ACBD6: variants seen among roughly 807,000 people sequenced by gnomAD.
ACBD6 encodes the protein acyl-CoA-binding domain-containing protein 6.
ACBD6 carries 28 observed loss-of-function variants against 37.2 expected under a neutral mutation model. The ratio of observed to expected loss-of-function variants is 0.75; its 90% CI spans 0.56 to 1.03. The LOEUF (loss-of-function observed/expected upper bound fraction) is 1.03. Ranked by LOEUF, ACBD6 falls within the 50% of genes least tolerant of loss-of-function variation. The pLI is 0.00. For missense variants in ACBD6, 340 were observed against 337.4 expected (o/e 1.01, Z -0.06); for synonymous variants, 113 against 126.8 (o/e 0.89, Z 0.73).
rs768087988 is a variant in ACBD6 at position 180,274,169 on chromosome 1, GT to G, written c.*937-58del. 1.7e-5 allele frequency: 28 copies of G among 1,614,148 alleles called. No homozygotes were observed. The East Asian group carries it at 6.0e-4, about 35-fold the overall frequency. The stretch of plus-strand genomic sequence containing the variant: ...TCCTGGCAGCTGACAATAAATCTCC[GT>G]TCTTTTGTCCACAGAGGATCAAATT... On this transcript the variant is annotated intron_variant, in intron 10 of 13. Transcript: ENST00000642319.
chr1:180,294,073 G>A (rs1343047264), intron 7 of ACBD6, among the ~76,000 whole-genome samples: 4 of 151,632 alleles, frequency 2.6e-5, no homozygotes, highest in Non-Finnish European at 5.9e-5. Flanking sequence ...TTTTGTGTAT[G>A]TAGTAGAGAC....
At chr1:180,329,255 A>T (rs1651378702) in intron 6 of ACBD6, among the ~76,000 whole-genome samples, 1 of 152,228 alleles carries the variant, frequency 6.6e-6, no homozygotes, top group Non-Finnish European at 1.5e-5. Flanking sequence ...ACAGTGCACT[A>T]AGGTATATAA....
At chr1:180,500,334 T>TA (rs745608788) in intron 1 of ACBD6, among the ~76,000 whole-genome samples, 1 of 152,128 alleles carries the variant, frequency 6.6e-6, no homozygotes, top group Non-Finnish European at 1.5e-5. Context: ...AACTGTTATT[T>TA]AACTCTTGTC....
rs147308683 is a variant in ACBD6, at chr1:180,402,294, T to C, written c.574-4689A>G. 5.4e-3 allele frequency among the ~76,000 whole-genome samples: 819 copies of C among 152,270 alleles called. 11 individuals carry two copies. Among genetic ancestry groups the C allele is most frequent in the Middle Eastern group, 0.027 (8 of 294 alleles). ...TTATTTCAAGCACTTAGGAATAAGATTGAAAGATAGTCTAACATCTCAAGA... is the reference window on the plus strand; with the variant it reads ...TTATTTCAAGCACTTAGGAATAAGACTGAAAGATAGTCTAACATCTCAAGA... On this transcript the variant is annotated intron_variant, in intron 5 of 7. Coordinates refer to ENST00000367595, the MANE Select transcript of ACBD6 (RefSeq NM_032360.4).
intron 3 of ACBD6, among the ~76,000 whole-genome samples, chr1:180,448,671 C>T (rs546316935): frequency 6.6e-6 from 1 of 152,114 alleles, no homozygotes; most frequent in Admixed American, 6.6e-5. Flanking sequence ...TTGTACTCAG[C>T]CATGAATTGA....
At chr1:180,336,885 C>A (rs916927020) in intron 6 of ACBD6, among the ~76,000 whole-genome samples, 1 of 152,164 alleles carries the variant, frequency 6.6e-6, no homozygotes, top group African/African-American at 2.4e-5. Flanking sequence ...CACCTCTATG[C>A]AAATAAACTA....
At chr1:180,494,922 G>A (rs1651672302) in intron 2 of ACBD6, among the ~76,000 whole-genome samples, 1 of 152,316 alleles carries the variant, frequency 6.6e-6, no homozygotes. Flanking sequence ...AAAAAGAGAA[G>A]TTAGTATCTG....
chr1:180,388,207 A>G (rs902091106), intron 6 of ACBD6, among the ~76,000 whole-genome samples: 1 of 151,182 alleles, frequency 6.6e-6, no homozygotes, highest in Non-Finnish European at 1.5e-5. Flanking sequence ...AAGAAAACCC[A>G]GAGAAATCAC....
intron 7 of ACBD6, among the ~76,000 whole-genome samples, chr1:180,303,685 G>A (rs1650231080): frequency 6.6e-6 from 1 of 150,712 alleles, no homozygotes; most frequent in Non-Finnish European, 1.5e-5. Flanking sequence ...GTACAAGGAG[G>A]AGCTGGTACC....
intron 7 of ACBD6, among the ~76,000 whole-genome samples, chr1:180,295,970 A>C (rs1348105934): frequency 6.6e-6 from 1 of 152,224 alleles, no homozygotes; most frequent in African/African-American, 2.4e-5. Flanking sequence ...CTTAGTAATG[A>C]AGGCATGTCA....
chr1:180,361,907 C>T (rs776972078), intron 6 of ACBD6, among the ~76,000 whole-genome samples: 4 of 151,036 alleles, frequency 2.6e-5, no homozygotes, highest in African/African-American at 7.3e-5. Context: ...GCTGTTGATT[C>T]CCCCCACCCC....
chr1:180,475,028 T>C (rs2102062551), intron 3 of ACBD6, among the ~76,000 whole-genome samples: 1 of 152,252 alleles, frequency 6.6e-6, no homozygotes, highest in East Asian at 1.9e-4. Context: ...ACTGAATAAA[T>C]ATGAAATCAA....
At chr1:180,364,345 T>C (rs563249663) in intron 6 of ACBD6, among the ~76,000 whole-genome samples, 1 of 152,346 alleles carries the variant, frequency 6.6e-6, no homozygotes, top group South Asian at 2.1e-4. Flanking sequence ...ATAATGTACA[T>C]TTTTAGTGTT....
intron 7 of ACBD6, among the ~76,000 whole-genome samples, chr1:180,304,008 T>C (rs1327564885): frequency 6.6e-6 from 1 of 150,794 alleles, no homozygotes; most frequent in Non-Finnish European, 1.5e-5. Context: ...ACAAAAATCA[T>C]ATGATTATCT....
chr1:180,410,663 G>GAA (rs35827351), intron 5 of ACBD6, among the ~76,000 whole-genome samples: 1 of 145,816 alleles, frequency 6.9e-6, no homozygotes, highest in African/African-American at 2.5e-5. Flanking sequence ...CACTGCTCAG[G>GAA]AAAAAAAAAA....
chr1:180,367,231 G>A (rs375943948), intron 6 of ACBD6, among the ~76,000 whole-genome samples: 1 of 152,170 alleles, frequency 6.6e-6, no homozygotes, highest in Non-Finnish European at 1.5e-5. Flanking sequence ...TGTTTTTGCA[G>A]ATGTAGAGAT....
intron 6 of ACBD6, among the ~76,000 whole-genome samples, chr1:180,358,678 C>T (rs1427720784): frequency 1.3e-5 from 2 of 151,978 alleles, no homozygotes; most frequent in South Asian, 2.1e-4. Flanking sequence ...AGGGCTTGAA[C>T]AGTTGTGTCC....
intron 3 of ACBD6, among the ~76,000 whole-genome samples, chr1:180,446,150 G>T (rs979906836): frequency 6.6e-6 from 1 of 151,184 alleles, no homozygotes; most frequent in African/African-American, 2.4e-5. Context: ...CCACAAGCAA[G>T]CACCATCACG....
intron 9 of ACBD6, chr1:180,278,729 G>C (rs893503918): frequency 2.0e-5 from 3 of 151,818 alleles, no homozygotes; most frequent in East Asian, 3.9e-4. Context: ...AGACCTCAAA[G>C]CCCCAGATCC....
Sources: allele counts gnomAD v4.1 joint callset (sites outside exome capture counted in the v4.1 genomes callset), GRCh38; gene constraint gnomAD v4.1.1; transcripts MANE v1.5; gene names NCBI Gene and HGNC (gene_info 2026-07-23, HGNC 2026-07-21).